MPHOSPH6: variants seen among roughly 807,000 people sequenced by gnomAD.
The protein encoded by MPHOSPH6 is M-phase phosphoprotein 6.
MPHOSPH6 carries 25 observed loss-of-function variants against 21.8 expected under a neutral mutation model. The observed-to-expected ratio is 1.15, with a 90% CI of 0.83 to 1.60. The LOEUF (loss-of-function observed/expected upper bound fraction) is 1.60. Among genes scored for constraint, MPHOSPH6 ranks in the 40% most tolerant of loss-of-function variants. MPHOSPH6 has a pLI of 0.00. For missense variants in MPHOSPH6, 269 were observed against 181.8 expected (o/e 1.48, Z -2.76); for synonymous variants, 84 against 56.5 (o/e 1.49, Z -2.18).
At position 82,148,535 on chromosome 16, in the gene MPHOSPH6, G is replaced by T; in HGVS notation, c.*196C>A. 1.6e-6 allele frequency: 1 copy of T among 618,538 alleles called. No individual in the cohort carries two copies. The allele number at this position is 618,538 out of a possible 1,614,324, so 38.3% of individuals were successfully genotyped here. ...AGATCAGGGGCTAAAAATCCACTCT[G>T]AATGAATACCAAGAAGCAAAGGATG... On this transcript the variant is annotated 3_prime_UTR_variant, in exon 5 of 5. Transcript: ENST00000258169.
At chr16:82,161,098 A>T (rs1484138576) in intron 2 of MPHOSPH6, among the ~76,000 whole-genome samples, 2 of 152,200 alleles carry the variant, frequency 1.3e-5, no homozygotes, top group Non-Finnish European at 2.9e-5. Flanking sequence ...ATCAAAGCTA[A>T]CATAAAAACA....
chr16:82,158,426 G>C (rs1597162232), intron 2 of MPHOSPH6, among the ~76,000 whole-genome samples: 1 of 150,686 alleles, frequency 6.6e-6, no homozygotes, highest in Non-Finnish European at 1.5e-5. Flanking sequence ...GTGAACCCGG[G>C]AGGTGGAGTT....
intron 1 of MPHOSPH6, chr16:82,164,556 C>T (rs918118412): frequency 4.3e-5 from 8 of 185,770 alleles, no homozygotes; most frequent in Non-Finnish European, 5.5e-5. Flanking sequence ...ACTCCTCGCC[C>T]GTCTGACATA....
intron 2 of MPHOSPH6, among the ~76,000 whole-genome samples, chr16:82,154,758 T>C (rs965589534): frequency 6.6e-6 from 1 of 152,138 alleles, no homozygotes; most frequent in African/African-American, 2.4e-5. Flanking sequence ...ACTAAAAATC[T>C]TTTCACAGAG....
At chr16:82,152,849 T>G (rs1221616717) in intron 2 of MPHOSPH6, among the ~76,000 whole-genome samples, 2 of 152,206 alleles carry the variant, frequency 1.3e-5, no homozygotes, top group African/African-American at 4.8e-5. Context: ...AGCAAACATG[T>G]GGCTTTTAAG....
chr16:82,164,076 A>G lies in MPHOSPH6; in HGVS notation c.164+6T>C, dbSNP rs754284622. ...GCATCATCAGTATCAATTTTAATAAACCTACTCTTTCTCTTTAAGCTCTGG... is the reference window on the plus strand; with the variant it reads ...GCATCATCAGTATCAATTTTAATAAGCCTACTCTTTCTCTTTAAGCTCTGG... On this transcript the variant is annotated splice_donor_region_variant and intron_variant, in intron 2 of 4. Transcript: ENST00000258169. 1 of 1,589,600 alleles carries G rather than the reference A, an allele frequency of 6.3e-7. No individual in the cohort carries two copies. Among genetic ancestry groups the G allele is most frequent in the Non-Finnish European group, 8.6e-7 (1 of 1,160,612 alleles).
chr16:82,151,881 AAAT>A (rs1446294699), intron 2 of MPHOSPH6, among the ~76,000 whole-genome samples: 2 of 152,254 alleles, frequency 1.3e-5, no homozygotes, highest in Non-Finnish European at 2.9e-5. Flanking sequence ...TTCAGAAAGG[AAAT>A]AATATGTATG....
At chr16:82,157,775 T>A (rs914610213) in intron 2 of MPHOSPH6, among the ~76,000 whole-genome samples, 1 of 152,166 alleles carries the variant, frequency 6.6e-6, no homozygotes, top group Non-Finnish European at 1.5e-5. Flanking sequence ...AAGCAAGATA[T>A]GAGGATGCCC....
At chr16:82,169,114 T>C (rs1418404977) in intron 1 of MPHOSPH6, among the ~76,000 whole-genome samples, 1 of 152,230 alleles carries the variant, frequency 6.6e-6, no homozygotes, top group Non-Finnish European at 1.5e-5. Flanking sequence ...TCTAGTACTA[T>C]AAATATTTGC....
intron 1 of MPHOSPH6, among the ~76,000 whole-genome samples, 179 bp from the exon 2 acceptor site, chr16:82,164,373 C>A (rs1032080235): frequency 1.3e-5 from 2 of 152,198 alleles, no homozygotes; most frequent in Non-Finnish European, 2.9e-5. Flanking sequence ...TTACACTAGA[C>A]GATGAGGGCT....
At position 82,148,797 on chromosome 16, in the gene MPHOSPH6, T is replaced by G. The variant is rs764479514; in HGVS notation, c.417A>C (p.Glu139Asp). 4.3e-6 allele frequency: 7 copies of G among 1,614,154 alleles called. No homozygotes were observed. The South Asian group carries it at 7.7e-5, about 18-fold the overall frequency. ...FARKRDHANYEEDENGDITPI... is the reference protein window; with the variant it reads ...FARKRDHANYDEDENGDITPI... ...GTGTTATGTCTCCATTTTCATCTTCTTCATAATTGGCATGGTCTCTCTTTC... is the reference window on the plus strand; with the variant it reads ...GTGTTATGTCTCCATTTTCATCTTCGTCATAATTGGCATGGTCTCTCTTTC... The change falls in exon 5 of 5, where the codon GAA becomes GAC. Residue 139 changes from glutamate to aspartate, a missense_variant. Transcript: ENST00000258169.
chr16:82,153,124 C>A (rs748900783), intron 2 of MPHOSPH6, among the ~76,000 whole-genome samples: 1 of 151,748 alleles, frequency 6.6e-6, no homozygotes, highest in Non-Finnish European at 1.5e-5. Context: ...CAAACACTCA[C>A]CTCCAAAAAA....
chr16:82,162,626 A>C (rs1378991778), intron 2 of MPHOSPH6, among the ~76,000 whole-genome samples: 1 of 151,706 alleles, frequency 6.6e-6, no homozygotes, highest in Non-Finnish European at 1.5e-5. Flanking sequence ...GGTGGTAATC[A>C]CTCCCACTAC....
intron 4 of MPHOSPH6, 78 bp downstream of exon 4, chr16:82,149,231 G>A: frequency 7.0e-7 from 1 of 1,429,654 alleles, no homozygotes; most frequent in Non-Finnish European, 9.8e-7. Flanking sequence ...GCCGTGCACT[G>A]TGGGGTAAGA....
intron 1 of MPHOSPH6, among the ~76,000 whole-genome samples, chr16:82,169,414 C>A (rs1433122615): frequency 2.0e-5 from 3 of 152,204 alleles, no homozygotes; most frequent in African/African-American, 7.2e-5. Context: ...CTGCGAGACT[C>A]ACCCTCTTCT....
intron 3 of MPHOSPH6, among the ~76,000 whole-genome samples, chr16:82,149,706 G>C (rs1048394297): frequency 2.0e-5 from 3 of 152,106 alleles, no homozygotes; most frequent in Admixed American, 2.0e-4. Context: ...GACACATTCC[G>C]GTGAGTGGGG....
chr16:82,166,214 C>G (rs1176480775), intron 1 of MPHOSPH6, among the ~76,000 whole-genome samples: 2 of 152,234 alleles, frequency 1.3e-5, no homozygotes, highest in Admixed American at 6.5e-5. Context: ...GTGAATCTAT[C>G]ACTATTTTAA....
chr16:82,156,732 C>CA (rs1211667039), intron 2 of MPHOSPH6, among the ~76,000 whole-genome samples: 4 of 152,076 alleles, frequency 2.6e-5, no homozygotes, highest in African/African-American at 4.8e-5. Flanking sequence ...CATAACAAAA[C>CA]AAAACTTGAG....
At position 82,164,146 on chromosome 16, in the gene MPHOSPH6, C is replaced by G; in HGVS notation, c.100G>C (p.Glu34Gln). The part of the protein sequence containing the change: ...DSETKKQLEE[E>Q]EKKIISEEHW... Reference sequence around the variant, plus strand: ...TCTTCACTAATGATTTTCTTTTCTTCTTCTTCTAGTTGTTTCTTGGTTTCT... The same window carrying G: ...TCTTCACTAATGATTTTCTTTTCTTGTTCTTCTAGTTGTTTCTTGGTTTCT... The change falls in exon 2 of 5, where the codon GAA (glutamate) becomes CAA (glutamine). Residue 34 changes from glutamate to glutamine, a missense_variant. Glu to Gln is a conservative substitution (Grantham distance 29). Transcript: ENST00000258169. 6.2e-7 allele frequency: 1 copy of G among 1,612,414 alleles called. No homozygotes were observed. The highest frequency in any genetic ancestry group is 8.5e-7 in the Non-Finnish European group (1 of 1,179,946).
Sources: allele counts gnomAD v4.1 joint callset (sites outside exome capture counted in the v4.1 genomes callset), GRCh38; gene constraint gnomAD v4.1.1; transcripts MANE v1.5; gene names NCBI Gene and HGNC (gene_info 2026-07-23, HGNC 2026-07-21).